Variants in MAP7 observed in about 807,000 individuals in gnomAD.
MAP7 encodes ensconsin.
Under a neutral mutation model 94.8 loss-of-function variants are expected in MAP7, and 52 were observed. The observed-to-expected ratio is 0.55, with a 90% CI of 0.44 to 0.69. The LOEUF (loss-of-function observed/expected upper bound fraction) is 0.69, where lower values mean the gene tolerates loss of function less well. Among genes scored for constraint, MAP7 ranks in the 30% least tolerant of loss-of-function variants. The pLI, the probability that MAP7 is intolerant of heterozygous loss-of-function variation, is 0.00. For synonymous variants in MAP7, 350 were observed against 357.0 expected, an observed-to-expected ratio of 0.98 and a Z score of 0.22; for missense variants, 940 against 964.6, an observed-to-expected ratio of 0.97 and a Z score of 0.34.
At chr6:136,465,116 G>A (rs868215360) in intron 1 of MAP7, among the ~76,000 whole-genome samples, 1 of 152,210 alleles carries the variant, frequency 6.6e-6, no homozygotes, top group African/African-American at 2.4e-5. Context: ...GAAGTGTGCA[G>A]AGGACAGCTC....
intron 1 of MAP7, among the ~76,000 whole-genome samples, chr6:136,459,333 A>G (rs1804409170): frequency 6.6e-6 from 1 of 152,128 alleles, no homozygotes; most frequent in Non-Finnish European, 1.5e-5. Flanking sequence ...TGCAGCCACT[A>G]TGGGAAACAG....
chr6:136,524,767 A>G (rs1306008678), intron 1 of MAP7, among the ~76,000 whole-genome samples: 1 of 152,248 alleles, frequency 6.6e-6, no homozygotes, highest in Non-Finnish European at 1.5e-5. Context: ...GTCCTCAGAC[A>G]CTGGATTCTA....
intron 2 of MAP7, among the ~76,000 whole-genome samples, chr6:136,419,378 T>C (rs1048779263): frequency 6.6e-6 from 1 of 152,248 alleles, no homozygotes; most frequent in Non-Finnish European, 1.5e-5. Context: ...TAAGCTATGT[T>C]AAATTCTCAT....
chr6:136,413,942 G>T lies in MAP7; in HGVS notation c.167-2245C>A, dbSNP rs991377315. Among the ~76,000 whole-genome samples, 3 of 151,460 alleles carry T rather than the reference G, an allele frequency of 2.0e-5. No individual in the cohort carries two copies. In the South Asian group the frequency reaches 6.3e-4, roughly 32 times the overall value. On this transcript the variant is annotated intron_variant, in intron 2 of 17. Transcript: ENST00000354570. ...GTGTGGATGATGAACAAGACTAGGG[G>T]ATGGTTCTTAAAAATTGGTTAAATG...
At chr6:136,398,659 GCCA>G (rs752630059) in intron 3 of MAP7, among the ~76,000 whole-genome samples, 1 of 152,126 alleles carries the variant, frequency 6.6e-6, no homozygotes, top group Non-Finnish European at 1.5e-5. Context: ...ATTTGCTCTT[GCCA>G]CCACCATGTA....
At chr6:136,391,583 A>C (rs796124537) in intron 3 of MAP7, among the ~76,000 whole-genome samples, 5 of 151,146 alleles carry the variant, frequency 3.3e-5, no homozygotes, top group Admixed American at 6.6e-5. Flanking sequence ...CAACAACAAC[A>C]ACCAAACCAC....
At position 136,386,266 on chromosome 6, in the gene MAP7, T is replaced by C. The variant is rs1284813633; in HGVS notation, c.526+2127A>G. Among the ~76,000 whole-genome samples the C allele has an allele frequency of 2.6e-5, 4 of 152,338 alleles. No individual in the cohort carries two copies. The East Asian group carries it at 7.7e-4, about 29-fold the overall frequency. On this transcript the variant is annotated intron_variant, in intron 5 of 17. Coordinates refer to ENST00000354570, the MANE Select transcript of MAP7 (RefSeq NM_003980.6). ...GACCTGGTTGCTGTTCTCAAGATCA[T>C]AGCAAATCATTTTCTGGTCTTTGAG...
chr6:136,362,767 A>T, intron 10 of MAP7, 65 bp from the exon 11 acceptor site: 1 of 1,505,168 alleles, frequency 6.6e-7, no homozygotes, highest in East Asian at 2.3e-5. Context: ...AACCAAAACT[A>T]GCATTCCCCA....
intron 3 of MAP7, among the ~76,000 whole-genome samples, chr6:136,390,691 CAT>C (rs1780463152): frequency 1.3e-5 from 2 of 152,032 alleles, no homozygotes; most frequent in African/African-American, 4.8e-5. Flanking sequence ...AAAGAAAAAA[CAT>C]AAATTTAGAA....
intron 6 of MAP7, among the ~76,000 whole-genome samples, chr6:136,382,731 A>C (rs1336540405): frequency 2.0e-5 from 3 of 152,210 alleles, no homozygotes; most frequent in African/African-American, 7.2e-5. Context: ...ACAATACAAA[A>C]TATATAAATA....
At chr6:136,377,682 G>C (rs1390900582) in intron 7 of MAP7, 73 bp downstream of exon 7, 7 of 1,126,334 alleles carry the variant, frequency 6.2e-6, no homozygotes, top group Admixed American at 3.5e-5. Context: ...GAAAAAGTGA[G>C]ATGTGATTAG....
intron 1 of MAP7, among the ~76,000 whole-genome samples, chr6:136,425,596 T>G (rs1448574289): frequency 1.3e-5 from 2 of 152,186 alleles, no homozygotes; most frequent in Non-Finnish European, 2.9e-5. Flanking sequence ...TCCTTACATT[T>G]ATTTATTCAA....
intron 1 of MAP7, among the ~76,000 whole-genome samples, chr6:136,548,580 T>G (rs1219379454): frequency 6.6e-6 from 1 of 152,182 alleles, no homozygotes; most frequent in Admixed American, 6.5e-5. Context: ...CCAATTTAAC[T>G]CCCTTTTTAA....
intron 2 of MAP7, among the ~76,000 whole-genome samples, chr6:136,415,166 C>T (rs955448253): frequency 2.6e-5 from 4 of 152,092 alleles, no homozygotes; most frequent in Non-Finnish European, 2.9e-5. Flanking sequence ...TAAGCCTGGT[C>T]TTGAACTCCT....
chr6:136,401,393 A>T (rs934517664), intron 3 of MAP7, among the ~76,000 whole-genome samples: 7 of 152,196 alleles, frequency 4.6e-5, no homozygotes, highest in African/African-American at 1.7e-4. Context: ...AATGTCCATC[A>T]ATGATAGACT....
chr6:136,544,197 C>T (rs182244803), intron 1 of MAP7, among the ~76,000 whole-genome samples: 1 of 152,366 alleles, frequency 6.6e-6, no homozygotes, highest in Admixed American at 6.5e-5. Context: ...GCTGGGATTA[C>T]AGGCATGAGC....
At chr6:136,400,198 C>T (rs1434379738) in intron 3 of MAP7, among the ~76,000 whole-genome samples, 2 of 151,978 alleles carry the variant, frequency 1.3e-5, no homozygotes, top group Non-Finnish European at 2.9e-5. Flanking sequence ...GGGCAGATCA[C>T]GAGGTCAGGA....
At chr6:136,519,953 C>A (rs2129045702) in intron 1 of MAP7, among the ~76,000 whole-genome samples, 1 of 152,206 alleles carries the variant, frequency 6.6e-6, no homozygotes, top group South Asian at 2.1e-4. Flanking sequence ...AATCCCAGCA[C>A]TTTGGGAGAT....
At position 136,458,386 on chromosome 6, in the gene MAP7, A is replaced by C. The variant is rs376538344; in HGVS notation, c.68-36587T>G. 2.4e-4 allele frequency among the ~76,000 whole-genome samples: 36 copies of C among 152,320 alleles called. 1 individual carries two copies. The East Asian group carries it at 4.6e-3, about 20-fold the overall frequency. On this transcript the variant is annotated intron_variant, in intron 1 of 17. Coordinates refer to ENST00000354570, the MANE Select transcript of MAP7 (RefSeq NM_003980.6). Reference sequence around the variant, plus strand: ...CTACAGATTCAATTCAATCCATATCAAAATCTCAATGGCATTTTTTACAGA... The same window carrying C: ...CTACAGATTCAATTCAATCCATATCCAAATCTCAATGGCATTTTTTACAGA...
Sources: allele counts gnomAD v4.1 joint callset (sites outside exome capture counted in the v4.1 genomes callset), GRCh38; gene constraint gnomAD v4.1.1; transcripts MANE v1.5; gene names NCBI Gene and HGNC (gene_info 2026-07-23, HGNC 2026-07-21).